SNF8: variants seen among roughly 807,000 people sequenced by gnomAD.
SNF8 encodes SNF8 subunit of ESCRT-II, also known as vacuolar-sorting protein SNF8.
SNF8 carries 19 observed loss-of-function variants against 36.8 expected under a neutral mutation model. The observed-to-expected ratio is 0.52, with a 90% CI of 0.36 to 0.76. The LOEUF is 0.76. SNF8 is among the 30% of genes least tolerant of loss of function. The pLI is 0.00. For synonymous variants in SNF8, 127 were observed against 127.4 expected (o/e 1.00, Z 0.02); for missense variants, 268 against 322.9 (o/e 0.83, Z 1.30).
rs963884969 is a variant in SNF8, at chr17:48,931,578, G to A, written c.639+65C>T. The A allele has an allele frequency of 2.3e-6, 3 of 1,331,168 alleles. No homozygotes were observed. In the African/African-American group the frequency reaches 4.4e-5, roughly 20 times the overall value. 82.5% of individuals were successfully genotyped at this position (1,331,168 alleles called of 1,614,324 possible). On this transcript the variant is annotated intron_variant, in intron 7 of 7. Coordinates refer to ENST00000502492, the MANE Select transcript of SNF8 (RefSeq NM_007241.4). ...AAGCAATGCTGAAGTTCCTGCATTT[G>A]TGGAACCCACATCCTCCCAACTGGG...
chr17:48,931,918 T>G lies in SNF8; in HGVS notation c.565-201A>C. ...GACAGAGGTAGGTTGGTGGGTTCAA[T>G]CCTAAAACTGGGGTACCGGCCAGGC... On this transcript the variant is annotated intron_variant, in intron 6 of 7. Transcript: ENST00000502492. 2 of 472,180 alleles carry G rather than the reference T, an allele frequency of 4.2e-6. 1 individual carries two copies. The highest frequency in any genetic ancestry group is 6.1e-5 in the South Asian group (2 of 32,714). 29.2% of individuals were successfully genotyped at this position (472,180 alleles called of 1,614,324 possible).
At chr17:48,935,687 A>G (rs1261665723) in intron 5 of SNF8, 1 of 152,738 alleles carries the variant, frequency 6.5e-6, no homozygotes, top group Non-Finnish European at 1.5e-5. Context: ...TCAAAGAAAA[A>G]AAAGACTATA....
intron 5 of SNF8, 139 bp downstream of exon 5, chr17:48,936,031 G>GTT (rs59383380): frequency 4.9e-3 from 2,412 of 490,334 alleles, no homozygotes; most frequent in South Asian, 8.4e-3. Flanking sequence ...TTTGTTTTTT[G>GTT]TTTTTTTTTT....
rs531995964 is a variant in SNF8, at chr17:48,933,372, G to A, written c.423-26C>T. On this transcript the variant is annotated intron_variant, in intron 5 of 7. Coordinates refer to ENST00000502492, the MANE Select transcript of SNF8 (RefSeq NM_007241.4). ...CTGAGGTAAGGAAGAGTTGCTTAAC[G>A]ACCCTTGGCAGAATCAGACCTAACA... 423 of 1,613,668 alleles carry A rather than the reference G, an allele frequency of 2.6e-4. 4 individuals carry two copies. The South Asian group carries it at 4.2e-3, about 16-fold the overall frequency.
At chr17:48,944,175 G>T (rs1459061182) in intron 1 of SNF8, 200 bp from the exon 2 acceptor site, 8 of 511,034 alleles carry the variant, frequency 1.6e-5, no homozygotes, top group Non-Finnish European at 2.9e-5. Flanking sequence ...GGTGGTGGGC[G>T]CCTGTAGTCC....
Position 48,936,239 on chromosome 17 carries a change from A to G in SNF8, c.353T>C (p.Leu118Pro). Residue 118 changes from leucine (L) to proline (P), a missense_variant, in exon 5 of 8, where the codon CTG becomes CCG. Physicochemically the swap from Leu to Pro is moderately conservative, Grantham distance 98. Coordinates refer to ENST00000502492, the MANE Select transcript of SNF8 (RefSeq NM_007241.4). ...TTGATGTAGTTCCTCCAAAGTTATC[A>G]GACCTGTTTGGAGACAGGGAACAGA... ...CLALKHRNGG[L>P]ITLEELHQQV... is the part of the protein sequence containing the mutation. 1 of 1,613,406 alleles carries G rather than the reference A, an allele frequency of 6.2e-7. No individual in the cohort carries two copies. Among genetic ancestry groups the G allele is most frequent in the Non-Finnish European group, 8.5e-7 (1 of 1,179,376 alleles).
chr17:48,940,273 T>G (rs2143814520), intron 3 of SNF8, among the ~76,000 whole-genome samples: 1 of 151,204 alleles, frequency 6.6e-6, no homozygotes, highest in South Asian at 2.1e-4. Flanking sequence ...ACTCCTGGAT[T>G]CAAGTGATCT....
intron 2 of SNF8, among the ~76,000 whole-genome samples, chr17:48,941,360 T>C (rs2041020662): frequency 6.6e-6 from 1 of 152,052 alleles, no homozygotes; most frequent in Non-Finnish European, 1.5e-5. Flanking sequence ...CAACCAAATA[T>C]ATGCACAAAA....
intron 2 of SNF8, among the ~76,000 whole-genome samples, chr17:48,941,693 T>C (rs1318908741): frequency 6.6e-6 from 1 of 151,830 alleles, no homozygotes; most frequent in Non-Finnish European, 1.5e-5. Context: ...CAATATTTTT[T>C]TTTTTTAATT....
chr17:48,930,416 G>C lies in SNF8; in HGVS notation c.*59C>G. The C allele has an allele frequency of 7.0e-7, 1 of 1,422,120 alleles. No homozygotes were observed. Among genetic ancestry groups the C allele is most frequent in the Non-Finnish European group, 9.3e-7 (1 of 1,076,988 alleles). The allele number at this position is 1,422,120 out of a possible 1,614,324, so 88.1% of individuals were successfully genotyped here. A position where few individuals can be genotyped will look rare whatever the true frequency, so the allele number is the denominator to read the frequency against. On this transcript the variant is annotated 3_prime_UTR_variant, in exon 8 of 8. Coordinates refer to ENST00000502492, the MANE Select transcript of SNF8 (RefSeq NM_007241.4). ...TTTTTTGTATAAACAAAATTGCCCAGGTTTATTTGCCACCTCCGCCTCCTC... is the reference window on the plus strand; with the variant it reads ...TTTTTTGTATAAACAAAATTGCCCACGTTTATTTGCCACCTCCGCCTCCTC...
intron 3 of SNF8, among the ~76,000 whole-genome samples, chr17:48,939,380 C>T (rs2040986251): frequency 6.6e-6 from 1 of 151,568 alleles, no homozygotes; most frequent in Non-Finnish European, 1.5e-5. Flanking sequence ...TTGAAGGCTG[C>T]AGTGGGCTGA....
chr17:48,930,803 G>A (rs112797046), intron 7 of SNF8, among the ~76,000 whole-genome samples, 191 bp from the exon 8 acceptor site: 1 of 152,222 alleles, frequency 6.6e-6, no homozygotes, highest in Non-Finnish European at 1.5e-5. Context: ...TTTGAAAAAT[G>A]CTACGAAGTC....
chr17:48,944,772 C>T lies in SNF8; in HGVS notation c.-38G>A. 1 of 1,577,932 alleles carries T rather than the reference C, an allele frequency of 6.3e-7. No homozygotes were observed. The highest frequency in any genetic ancestry group is 8.6e-7 in the Non-Finnish European group (1 of 1,167,870). The stretch of plus-strand genomic sequence containing the variant: ...CCCGCGGGCCGCCCGGCTGCCGGGA[C>T]CCCGGGTCTCCACGTCCCGGACTCC... On this transcript the variant is annotated 5_prime_UTR_variant, in exon 1 of 8. Transcript: ENST00000502492.
chr17:48,942,847 CTTTTTTTTTTTTT>C (rs71144543), intron 2 of SNF8, among the ~76,000 whole-genome samples: 50,901 of 87,236 alleles, frequency 0.58, 12,634 homozygotes, highest in East Asian at 0.77. Context: ...CGCACCCGGC[CTTTTTTTTTTTTT>C]TTTTTTTTTT....
chr17:48,930,491 C>G lies in SNF8; in HGVS notation c.761G>C (p.Arg254Thr), dbSNP rs1427448012. The change falls in exon 8 of 8, where the codon AGA becomes ACA. Residue 254 changes from arginine to threonine, a missense_variant. By Grantham distance (71) the Arg-to-Thr change is moderately conservative. Transcript: ENST00000502492. ...YSQEITAEEAREALP is the reference protein window; with the variant it reads ...YSQEITAEEATEALP The stretch of plus-strand genomic sequence containing the variant: ...CACATGCAGTCAGGGGAGGGCTTCT[C>G]TGGCCTCCTCAGCTGTAATCTCCTG... The G allele has an allele frequency of 3.7e-6, 6 of 1,608,406 alleles. No individual in the cohort carries two copies. In the South Asian group the frequency reaches 5.5e-5, roughly 15 times the overall value.
chr17:48,931,455 C>T (rs1029978537), intron 7 of SNF8, among the ~76,000 whole-genome samples, 188 bp downstream of exon 7: 9 of 152,144 alleles, frequency 5.9e-5, no homozygotes, highest in African/African-American at 2.2e-4. Context: ...GAGTTAGGAA[C>T]CTGCCTTCCT....
intron 6 of SNF8, chr17:48,932,916 T>C (rs756829314): frequency 4.7e-5 from 15 of 318,680 alleles, no homozygotes; most frequent in Non-Finnish European, 7.4e-5. Context: ...AGAGTCTGGC[T>C]ACCCAAAGAA....
Position 48,931,646 on chromosome 17 carries a change from C to T in SNF8, c.636G>A (p.Val212=). The T allele has an allele frequency of 1.2e-6, 2 of 1,613,090 alleles. No homozygotes were observed. Among genetic ancestry groups the T allele is most frequent in the Non-Finnish European group, 8.5e-7 (1 of 1,179,490 alleles). ...GGACTGTTCCAAAGTTGCATACCAGCACTTGCCGCGCTCGCTCGGTCTCCC... is the reference window on the plus strand; with the variant it reads ...GGACTGTTCCAAAGTTGCATACCAGTACTTGCCGCGCTCGCTCGGTCTCCC... ...LKWETERARQ[V]LEHLLKEGLA... The change falls in exon 7 of 8, where the codon GTG becomes GTA. Residue 212 remains valine (V), a synonymous_variant. Coordinates refer to ENST00000502492, the MANE Select transcript of SNF8 (RefSeq NM_007241.4).
At chr17:48,938,222 C>T (rs962254591) in intron 3 of SNF8, among the ~76,000 whole-genome samples, 1 of 151,940 alleles carries the variant, frequency 6.6e-6, no homozygotes, top group South Asian at 2.1e-4. Flanking sequence ...GCAGGTTGGG[C>T]GCAGTGGCTC....
Sources: allele counts gnomAD v4.1 joint callset (sites outside exome capture counted in the v4.1 genomes callset), GRCh38; gene constraint gnomAD v4.1.1; transcripts MANE v1.5; gene names NCBI Gene and HGNC (gene_info 2026-07-23, HGNC 2026-07-21).